The following TANC1 variants were observed in gnomAD, a reference collection of about 807,000 sequenced individuals.
TANC1 encodes the protein protein TANC1.
In TANC1, 77 loss-of-function variants were observed where a neutral mutation model predicts 149.7. The ratio of observed to expected loss-of-function variants is 0.51; its 90% CI spans 0.43 to 0.62. TANC1 has a LOEUF of 0.62. Ranked by LOEUF, TANC1 falls within the 20% of genes least tolerant of loss-of-function variation. TANC1 has a pLI of 0.00. For missense variants in TANC1, 1,985 were observed against 2,321.8 expected (o/e 0.85, Z 2.98); for synonymous variants, 854 against 925.0 (o/e 0.92, Z 1.39).
rs5835731 is a variant in TANC1 at position 159,082,371 on chromosome 2, TAA to T, written c.62-15253_62-15252del. Among the ~76,000 whole-genome samples the T allele has an allele frequency of 8.0e-3, 1,177 of 148,048 alleles. 7 individuals carry two copies. The highest frequency in any genetic ancestry group is 0.014 in the African/African-American group (580 of 40,354). On this transcript the variant is annotated intron_variant, in intron 3 of 26. Coordinates refer to ENST00000263635, the MANE Select transcript of TANC1 (RefSeq NM_033394.3). Reference sequence around the variant, plus strand: ...TTTAAAATACATGTTTTAAACTTGTTAAAAAAAAAAAAAAGACGGTGCTTAGA... The same window carrying T: ...TTTAAAATACATGTTTTAAACTTGTTAAAAAAAAAAAAGACGGTGCTTAGA...
intron 2 of TANC1, among the ~76,000 whole-genome samples, chr2:159,049,330 C>T (rs554828186): frequency 6.1e-5 from 3 of 48,790 alleles, no homozygotes; most frequent in African/African-American, 2.1e-4. Flanking sequence ...CCATTACCAT[C>T]CAAACTTAGT....
Position 159,225,644 on chromosome 2 carries a change from C to T in TANC1, c.3812-44C>T, listed in dbSNP as rs770505010. The stretch of plus-strand genomic sequence containing the variant: ...GCCACGGAGGAATTGGGATCCTTTC[C>T]GCAGGGCCTCTGAAGTGCCTCTGAA... On this transcript the variant is annotated intron_variant, in intron 23 of 26. Transcript: ENST00000263635. The T allele has an allele frequency of 1.3e-5, 20 of 1,526,814 alleles. No individual in the cohort carries two copies. The East Asian group carries it at 3.2e-4, about 24-fold the overall frequency. The allele number at this position is 1,526,814 out of a possible 1,614,324, so 94.6% of individuals were successfully genotyped here.
intron 3 of TANC1, among the ~76,000 whole-genome samples, chr2:159,080,186 G>A (rs1266520404): frequency 3.3e-5 from 5 of 152,182 alleles, no homozygotes; most frequent in African/African-American, 7.2e-5. Flanking sequence ...CTGTAGGCTC[G>A]GAGAGCCTGG....
intron 3 of TANC1, among the ~76,000 whole-genome samples, chr2:159,074,149 T>TA (rs11462215): frequency 0.13 from 19,976 of 152,232 alleles, 1,654 homozygotes; most frequent in Middle Eastern, 0.2. Context: ...GCAGGCTAGT[T>TA]ATACCTCATC....
At chr2:159,206,529 C>T (rs1451461733) in intron 19 of TANC1, among the ~76,000 whole-genome samples, 4 of 152,158 alleles carry the variant, frequency 2.6e-5, no homozygotes, top group African/African-American at 7.2e-5. Context: ...ACAAATTAGC[C>T]CCTTGACCAC....
intron 4 of TANC1, among the ~76,000 whole-genome samples, chr2:159,117,693 G>A (rs548150208): frequency 7.0e-6 from 1 of 142,896 alleles, no homozygotes; most frequent in Admixed American, 7.4e-5. Flanking sequence ...ACCGTGCCCG[G>A]CCTATTCCTT....
chr2:159,086,335 G>A (rs2044850575), intron 3 of TANC1, among the ~76,000 whole-genome samples: 1 of 152,034 alleles, frequency 6.6e-6, no homozygotes, highest in African/African-American at 2.4e-5. Flanking sequence ...ACTAGATCTT[G>A]GACCCTGCAG....
chr2:158,999,709 C>T (rs2149319453), intron 1 of TANC1, among the ~76,000 whole-genome samples: 1 of 152,266 alleles, frequency 6.6e-6, no homozygotes, highest in South Asian at 2.1e-4. Flanking sequence ...GAGAAAATGT[C>T]CGACATCATA....
At position 159,149,138 on chromosome 2, in the gene TANC1, C is replaced by T; in HGVS notation, c.365-4C>T. ...ATCTTCATTGTTTTCTTTCTTTGTT[C>T]CAGAAGCAAAGGCCGATAATGAACC... On this transcript the variant is annotated splice_region_variant and splice_polypyrimidine_tract_variant and intron_variant, in intron 5 of 26. Transcript: ENST00000263635. The T allele has an allele frequency of 6.4e-7, 1 of 1,573,538 alleles. No homozygotes were observed. The highest frequency in any genetic ancestry group is 2.3e-5 in the East Asian group (1 of 44,384).
chr2:159,116,103 G>C (rs905158808), intron 4 of TANC1, among the ~76,000 whole-genome samples: 34 of 152,224 alleles, frequency 2.2e-4, no homozygotes, highest in African/African-American at 7.7e-4. Context: ...CGCAGAGGCT[G>C]TGAAGGTCAA....
At chr2:159,169,645 G>A (rs1440676490) in intron 9 of TANC1, among the ~76,000 whole-genome samples, 2 of 152,120 alleles carry the variant, frequency 1.3e-5, no homozygotes, top group African/African-American at 4.8e-5. Flanking sequence ...GAAGTGAGGG[G>A]TAGTTTAACA....
intron 2 of TANC1, among the ~76,000 whole-genome samples, chr2:159,046,554 CT>C (rs970630805): frequency 1.6e-5 from 2 of 126,098 alleles, no homozygotes; most frequent in Non-Finnish European, 3.6e-5. Flanking sequence ...GCTGTCTCTT[CT>C]GGGTTCCTAT....
At chr2:159,153,735 C>A (rs1020467144) in intron 7 of TANC1, among the ~76,000 whole-genome samples, 2 of 151,494 alleles carry the variant, frequency 1.3e-5, no homozygotes, top group East Asian at 3.9e-4. Context: ...TCCACTGCCT[C>A]TTCACAGAGC....
chr2:159,218,544 T>C (rs1027335090), intron 20 of TANC1, among the ~76,000 whole-genome samples: 3 of 152,190 alleles, frequency 2.0e-5, no homozygotes, highest in Non-Finnish European at 4.4e-5. Flanking sequence ...GCTGCGGCCA[T>C]GTAACAGGTG....
In TANC1 at chr2:159,019,653, G is replaced by GTTTTTTT. The variant is rs55746240; in HGVS notation, c.-16+18491_-16+18497dup. On this transcript the variant is annotated intron_variant, in intron 2 of 26. Coordinates refer to ENST00000263635, the MANE Select transcript of TANC1 (RefSeq NM_033394.3). ...CCTAACTGCAGCTTGCTTTCTTTCT[G>GTTTTTTT]TTTTTTTTTTTTTTTTTTTTTTTTT... Among the ~76,000 whole-genome samples the GTTTTTTT allele has an allele frequency of 5.8e-3, 428 of 73,270 alleles. 76 individuals carry two copies. The highest frequency in any genetic ancestry group is 8.8e-3 in the Non-Finnish European group (345 of 39,210). 48.1% of individuals were successfully genotyped at this position (73,270 alleles called of 152,430 possible).
chr2:159,138,153 G>A lies in TANC1; in HGVS notation c.364+1855G>A, dbSNP rs534563940. ...CCTGAGACCTGAGCTTTCTGATTCG[G>A]CATCTTTAGTCTTCATGGGGACCAA... On this transcript the variant is annotated intron_variant, in intron 5 of 26. Transcript: ENST00000263635. Among the ~76,000 whole-genome samples the A allele has an allele frequency of 1.1e-4, 16 of 142,598 alleles. 1 individual carries two copies. The South Asian group carries it at 3.4e-3, about 30-fold the overall frequency. The allele number at this position is 142,598 out of a possible 152,430, so 93.5% of individuals were successfully genotyped here.
chr2:159,163,380 G>A lies in TANC1; in HGVS notation c.780G>A (p.Val260=). The A allele has an allele frequency of 1.2e-6, 2 of 1,614,238 alleles. No individual in the cohort carries two copies. Among genetic ancestry groups the A allele is most frequent in the Non-Finnish European group, 1.7e-6 (2 of 1,180,030 alleles). Residue 260 remains valine (V), a synonymous_variant, in exon 8 of 27, where the codon GTG becomes GTA. Transcript: ENST00000263635. ...GNLRLGVQKG[V]LHDRRADNCS... is the part of the protein sequence containing the mutation. ...TAAGATTAGGGGTTCAGAAGGGAGT[G>A]CTTCATGACCGCAGGGCAGATAACT... is the stretch of plus-strand genomic sequence containing the variant.
At chr2:159,144,458 C>T (rs2051821998) in intron 5 of TANC1, among the ~76,000 whole-genome samples, 3 of 152,206 alleles carry the variant, frequency 2.0e-5, no homozygotes, top group African/African-American at 7.2e-5. Flanking sequence ...TCACTGTGAC[C>T]TCCGCCTCCT....
intron 2 of TANC1, among the ~76,000 whole-genome samples, chr2:159,053,495 T>C (rs1005870302): frequency 2.6e-5 from 4 of 152,208 alleles, no homozygotes; most frequent in African/African-American, 9.7e-5. Context: ...TTGATTCAGC[T>C]CTCCACTGCA....
Sources: allele counts gnomAD v4.1 joint callset (sites outside exome capture counted in the v4.1 genomes callset), GRCh38; gene constraint gnomAD v4.1.1; transcripts MANE v1.5; gene names NCBI Gene and HGNC (gene_info 2026-07-23, HGNC 2026-07-21).